GOLM2: variants seen among roughly 807,000 people sequenced by gnomAD.
GOLM2 encodes the protein golgi membrane protein 2, also known as protein GOLM2.
GOLM2 carries 26 observed loss-of-function variants against 55.9 expected under a neutral mutation model. That is an observed-to-expected ratio of 0.47 (90% confidence interval 0.34 to 0.65). The LOEUF (loss-of-function observed/expected upper bound fraction) is 0.65. GOLM2 is among the 30% of genes least tolerant of loss of function. The probability of loss-of-function intolerance (pLI) is 0.01; values close to 1 mark genes in which losing one functional copy is unlikely to be tolerated. For missense variants in GOLM2, 486 were observed against 531.8 expected (o/e 0.91, Z 0.85); for synonymous variants, 165 against 194.6 (o/e 0.85, Z 1.27).
chr15:44,296,989 C>A (rs1184366188), intron 1 of GOLM2, among the ~76,000 whole-genome samples: 3 of 152,196 alleles, frequency 2.0e-5, no homozygotes, highest in Admixed American at 1.3e-4. Context: ...TATTCATAAA[C>A]CAATCAAAAC....
intron 6 of GOLM2, among the ~76,000 whole-genome samples, chr15:44,369,693 T>TACACACAC (rs3986148): frequency 0.023 from 3,353 of 143,572 alleles, 64 homozygotes; most frequent in East Asian, 0.084. Context: ...TATATATGCA[T>TACACACAC]ACACACACAC....
chr15:44,314,234 C>T (rs2078893546), intron 1 of GOLM2, among the ~76,000 whole-genome samples: 1 of 146,100 alleles, frequency 6.8e-6, no homozygotes, highest in South Asian at 2.2e-4. Context: ...AAAACTCCGT[C>T]TCAAAAAAAA....
chr15:44,343,674 A>T (rs1273962321), intron 6 of GOLM2, among the ~76,000 whole-genome samples: 1 of 151,326 alleles, frequency 6.6e-6, no homozygotes, highest in Admixed American at 6.6e-5. Context: ...AAAAATACAA[A>T]ATTAGCTGGG....
rs142044506 is a variant in GOLM2 at position 44,301,848 on chromosome 15, G to A, written c.327+12492G>A. Among the ~76,000 whole-genome samples, 968 of 151,654 alleles carry A rather than the reference G, an allele frequency of 6.4e-3. 9 individuals carry two copies. Among genetic ancestry groups the A allele is most frequent in the African/African-American group, 0.023 (935 of 41,300 alleles). On this transcript the variant is annotated intron_variant, in intron 1 of 9. Coordinates refer to ENST00000299957, the MANE Select transcript of GOLM2 (RefSeq NM_138423.4). ...AATTACTTGAATCCAGGAGGCAGAG[G>A]TTGCAGTGAGCCAAGATCATGCCAA...
intron 1 of GOLM2, among the ~76,000 whole-genome samples, chr15:44,297,780 T>G (rs1264201761): frequency 1.3e-5 from 2 of 151,148 alleles, no homozygotes; most frequent in African/African-American, 4.9e-5. Context: ...GTCAGGATGG[T>G]CTCCATCTTG....
At chr15:44,305,166 A>G (rs2078827900) in intron 1 of GOLM2, among the ~76,000 whole-genome samples, 1 of 151,948 alleles carries the variant, frequency 6.6e-6, no homozygotes. Flanking sequence ...ATACCTGGCT[A>G]ATTTTGTATT....
rs561847995 is a variant in GOLM2 at position 44,398,128 on chromosome 15, A to T, written c.1073-4759A>T. Among the ~76,000 whole-genome samples the T allele has an allele frequency of 2.0e-5, 3 of 152,322 alleles. No homozygotes were observed. The South Asian group carries it at 6.2e-4, about 32-fold the overall frequency. On this transcript the variant is annotated intron_variant, in intron 8 of 9. Coordinates refer to ENST00000299957, the MANE Select transcript of GOLM2 (RefSeq NM_138423.4). ...ACTACTGGTTATTGCCTCCTACATA[A>T]TGTTCAAACTCACTCTATCAAAAGG... is the stretch of plus-strand genomic sequence containing the variant.
chr15:44,328,396 T>G (rs1347539302), intron 2 of GOLM2, among the ~76,000 whole-genome samples: 2 of 152,164 alleles, frequency 1.3e-5, no homozygotes, highest in Non-Finnish European at 2.9e-5. Flanking sequence ...GAGAATCACT[T>G]GAGCTCAGGA....
rs1275843592 is a variant in GOLM2, at chr15:44,310,523, CACAT to C, written c.328-12436_328-12433del. Among the ~76,000 whole-genome samples, 13 of 149,790 alleles carry C rather than the reference CACAT, an allele frequency of 8.7e-5. 1 individual carries two copies. In the South Asian group the frequency reaches 2.3e-3, roughly 27 times the overall value. ...ACACCCACACACACACACACACACA[CACAT>C]ACATATTCAGATAGCCAGGTGTGGT... is the stretch of plus-strand genomic sequence containing the variant. On this transcript the variant is annotated intron_variant, in intron 1 of 9. Transcript: ENST00000299957.
intron 3 of GOLM2, among the ~76,000 whole-genome samples, chr15:44,331,718 G>C (rs1308023140): frequency 6.6e-6 from 1 of 151,828 alleles, no homozygotes; most frequent in Non-Finnish European, 1.5e-5. Flanking sequence ...TTTAATAGAT[G>C]CAATTTATGG....
At chr15:44,335,737 A>G (rs2141144443) in intron 4 of GOLM2, among the ~76,000 whole-genome samples, 1 of 149,406 alleles carries the variant, frequency 6.7e-6, no homozygotes. Flanking sequence ...GAAATGTGGG[A>G]TTTGGAGTCA....
At chr15:44,310,489 T>C (rs376427206) in intron 1 of GOLM2, among the ~76,000 whole-genome samples, 1,331 of 131,930 alleles carry the variant, frequency 0.01, 17 homozygotes, top group African/African-American at 0.036. Flanking sequence ...TATATATATA[T>C]ACACACACAC....
At chr15:44,369,881 T>C (rs921557043) in intron 6 of GOLM2, among the ~76,000 whole-genome samples, 1 of 152,116 alleles carries the variant, frequency 6.6e-6, no homozygotes, top group Non-Finnish European at 1.5e-5. Flanking sequence ...ATATATGATC[T>C]GAATAAAGGG....
chr15:44,339,944 T>C (rs1296302416), intron 6 of GOLM2, among the ~76,000 whole-genome samples: 2 of 152,112 alleles, frequency 1.3e-5, no homozygotes, highest in Non-Finnish European at 2.9e-5. Context: ...CTCAGCCTCC[T>C]GAGTAGCAGG....
At chr15:44,345,506 C>T (rs745613879) in intron 6 of GOLM2, among the ~76,000 whole-genome samples, 19 of 150,698 alleles carry the variant, frequency 1.3e-4, no homozygotes, top group Admixed American at 3.3e-4. Context: ...GTAATCCGTC[C>T]GCCTCGGCCT....
At chr15:44,308,700 C>T (rs1220283138) in intron 1 of GOLM2, among the ~76,000 whole-genome samples, 2 of 152,038 alleles carry the variant, frequency 1.3e-5, no homozygotes, top group South Asian at 2.1e-4. Flanking sequence ...CCACCTCAAG[C>T]GATTCTCCCA....
At chr15:44,366,422 G>A (rs779694439) in intron 6 of GOLM2, among the ~76,000 whole-genome samples, 5 of 151,784 alleles carry the variant, frequency 3.3e-5, no homozygotes, top group Non-Finnish European at 7.4e-5. Context: ...CAGGAGGATC[G>A]CTTGAGTCCA....
chr15:44,398,851 A>G (rs997327735), intron 8 of GOLM2, among the ~76,000 whole-genome samples: 2 of 151,864 alleles, frequency 1.3e-5, no homozygotes, highest in African/African-American at 4.8e-5. Context: ...TATTTTTAAT[A>G]AAGATGGGGT....
At chr15:44,299,254 A>G (rs946945815) in intron 1 of GOLM2, among the ~76,000 whole-genome samples, 13 of 151,920 alleles carry the variant, frequency 8.6e-5, no homozygotes, top group African/African-American at 3.1e-4. Context: ...ACACAAATGC[A>G]TACTTAAAAG....
Sources: gnomAD v4.1 joint callset for allele counts (sites outside exome capture counted in the v4.1 genomes callset) on GRCh38, gnomAD v4.1.1 for gene constraint, MANE v1.5 for transcripts, NCBI Gene and HGNC (gene_info 2026-07-23, HGNC 2026-07-21) for gene names.